SCYL2: variants seen among roughly 807,000 people sequenced by gnomAD.
The protein encoded by SCYL2 is SCY1 like pseudokinase 2, also known as SCY1-like protein 2.
A neutral mutation model predicts 100.4 loss-of-function variants in SCYL2; 36 were observed. The ratio of observed to expected loss-of-function variants is 0.36; its 90% CI spans 0.27 to 0.47. SCYL2 has a LOEUF of 0.47. Among genes scored for constraint, SCYL2 ranks in the 20% least tolerant of loss-of-function variants. The pLI is 1.00. For synonymous variants in SCYL2, 330 were observed against 359.2 expected, an observed-to-expected ratio of 0.92 and a Z score of 0.92; for missense variants, 902 against 1,083.9, an observed-to-expected ratio of 0.83 and a Z score of 2.36.
Position 100,329,264 on chromosome 12 carries a change from A to G in SCYL2, c.1706A>G (p.Lys569Arg), listed in dbSNP as rs1334566341. The G allele has an allele frequency of 2.5e-6, 4 of 1,609,894 alleles. No individual in the cohort carries two copies. The African/African-American group carries it at 5.3e-5, about 22-fold the overall frequency. Residue 569 changes from lysine to arginine, a missense_variant, in exon 13 of 18, where the codon AAA (lysine) becomes AGA (arginine). Transcript: ENST00000360820. ...ATCACCAAAGAGCAGCTGGCCGGAA[A>G]AGTGTTGCCTCATCTTATTCCCCTG... ...LGITKEQLAG[K>R]VLPHLIPLSI...
intron 2 of SCYL2, among the ~76,000 whole-genome samples, chr12:100,286,163 G>T (rs982615291): frequency 6.6e-6 from 1 of 152,030 alleles, no homozygotes; most frequent in Non-Finnish European, 1.5e-5. Context: ...CTTTCAAGTA[G>T]AATAATAATT....
intron 1 of SCYL2, among the ~76,000 whole-genome samples, chr12:100,272,922 T>G (rs965176134): frequency 6.6e-6 from 1 of 152,224 alleles, no homozygotes; most frequent in African/African-American, 2.4e-5. Context: ...CTAGCACCTT[T>G]GAAATACCTC....
intron 3 of SCYL2, among the ~76,000 whole-genome samples, chr12:100,297,157 A>G (rs2096321857): frequency 6.6e-6 from 1 of 152,204 alleles, no homozygotes; most frequent in Admixed American, 6.5e-5. Flanking sequence ...ATGCTTGGTA[A>G]TTATAATAGC....
chr12:100,317,633 G>A, intron 9 of SCYL2, 170 bp from the exon 10 acceptor site: 1 of 1,391,222 alleles, frequency 7.2e-7, no homozygotes, highest in Non-Finnish European at 9.3e-7. Flanking sequence ...TGTGCCTCCA[G>A]AAATGTAAGA....
intron 1 of SCYL2, among the ~76,000 whole-genome samples, chr12:100,268,046 G>T (rs2096281492): frequency 6.6e-6 from 1 of 152,142 alleles, no homozygotes; most frequent in Admixed American, 6.5e-5. Flanking sequence ...AAACTTATTG[G>T]ACTTTGAGCA....
rs1952243304 is a variant in SCYL2, at chr12:100,333,977, A to G, written c.1762-189A>G. 5 of 467,600 alleles carry G rather than the reference A, an allele frequency of 1.1e-5. No individual in the cohort carries two copies. In the South Asian group the frequency reaches 1.4e-4, roughly 13 times the overall value. The allele number at this position is 467,600 out of a possible 1,614,324, so 29.0% of individuals were successfully genotyped here. A position where few individuals can be genotyped will look rare whatever the true frequency, so the allele number is the denominator to read the frequency against. ...CAACTATCATATCATCACCAAAGAT[A>G]TTATAAAAGCTTGCTATGATATGCC... is the stretch of plus-strand genomic sequence containing the variant. On this transcript the variant is annotated intron_variant, in intron 13 of 17. Transcript: ENST00000360820.
chr12:100,274,820 G>A (rs76655152), intron 1 of SCYL2, among the ~76,000 whole-genome samples: 3 of 152,286 alleles, frequency 2.0e-5, no homozygotes, highest in Middle Eastern at 3.4e-3. Flanking sequence ...TTTGGAGAGC[G>A]ATAGGGCTTT....
intron 2 of SCYL2, 58 bp from the exon 3 acceptor site, chr12:100,291,443 CAT>C: frequency 8.9e-7 from 1 of 1,119,558 alleles, no homozygotes; most frequent in Non-Finnish European, 1.3e-6. Flanking sequence ...TTGTGACATT[CAT>C]ATAATTTTAT....
chr12:100,308,465 C>T (rs1415792360), intron 4 of SCYL2, among the ~76,000 whole-genome samples: 1 of 151,972 alleles, frequency 6.6e-6, no homozygotes, highest in Non-Finnish European at 1.5e-5. Flanking sequence ...GGGAGGGGAG[C>T]ATCACACACT....
intron 1 of SCYL2, among the ~76,000 whole-genome samples, chr12:100,269,945 T>C (rs937496228): frequency 2.6e-5 from 4 of 152,162 alleles, no homozygotes; most frequent in African/African-American, 9.7e-5. Flanking sequence ...AGTACTTGTG[T>C]TTTATGAGTT....
At chr12:100,336,440 C>T (rs1022431013) in intron 16 of SCYL2, among the ~76,000 whole-genome samples, 1 of 152,138 alleles carries the variant, frequency 6.6e-6, no homozygotes, top group African/African-American at 2.4e-5. Context: ...TTGACACTTT[C>T]ACAGAGTACT....
At chr12:100,294,632 C>A (rs1368009910) in intron 3 of SCYL2, among the ~76,000 whole-genome samples, 1 of 138,222 alleles carries the variant, frequency 7.2e-6, no homozygotes, top group East Asian at 2.2e-4. Flanking sequence ...TCCTCACTTC[C>A]CAGTAGGGGT....
At chr12:100,329,979 G>A (rs540121949) in intron 13 of SCYL2, among the ~76,000 whole-genome samples, 1 of 152,140 alleles carries the variant, frequency 6.6e-6, no homozygotes, top group Non-Finnish European at 1.5e-5. Flanking sequence ...CTGCTAGCAA[G>A]ACTGAAATTA....
At chr12:100,322,372 C>CAAAAAAAAAAAAAAAAAA (rs34959294) in intron 10 of SCYL2, among the ~76,000 whole-genome samples, 1 of 61,824 alleles carries the variant, frequency 1.6e-5, no homozygotes, top group Non-Finnish European at 3.3e-5. Context: ...GACTCCGTCT[C>CAAAAAAAAAAAAAAAAAA]AAAAAAAAAA....
chr12:100,277,748 A>T (rs1348410793), intron 1 of SCYL2, among the ~76,000 whole-genome samples: 1 of 151,940 alleles, frequency 6.6e-6, no homozygotes, highest in African/African-American at 2.4e-5. Flanking sequence ...CTTGCTATTT[A>T]TTTTGTATTT....
intron 10 of SCYL2, among the ~76,000 whole-genome samples, chr12:100,322,186 C>T: frequency 6.6e-6 from 1 of 150,764 alleles, no homozygotes. Context: ...TCCTGGCTAA[C>T]ACAGTGAAAC....
chr12:100,304,135 T>C (rs2096331109), intron 4 of SCYL2, among the ~76,000 whole-genome samples: 2 of 152,106 alleles, frequency 1.3e-5, no homozygotes, highest in Non-Finnish European at 2.9e-5. Context: ...CCAGGTTGAT[T>C]TCAGACTGCT....
intron 3 of SCYL2, among the ~76,000 whole-genome samples, chr12:100,295,251 C>T (rs1402985523): frequency 0.027 from 3,651 of 137,174 alleles, 135 homozygotes; most frequent in African/African-American, 0.093. Flanking sequence ...ACATCCCAGA[C>T]GATGGGCGGC....
chr12:100,311,212 T>A lies in SCYL2; in HGVS notation c.630+19T>A. 2 of 1,574,908 alleles carry A rather than the reference T, an allele frequency of 1.3e-6. No individual in the cohort carries two copies. Among genetic ancestry groups the A allele is most frequent in the Non-Finnish European group, 1.7e-6 (2 of 1,165,798 alleles). On this transcript the variant is annotated intron_variant, in intron 5 of 17. Transcript: ENST00000360820. ...ACAAGAGGTAATGAAAGTTTTAGTC[T>A]TCTAATTTTTGAGGCCAGGGAAATT...
Sources: allele counts gnomAD v4.1 joint callset (sites outside exome capture counted in the v4.1 genomes callset), GRCh38; gene constraint gnomAD v4.1.1; transcripts MANE v1.5; gene names NCBI Gene and HGNC (gene_info 2026-07-23, HGNC 2026-07-21).